The following SLIT2 variants were observed in gnomAD, a reference collection of about 807,000 sequenced individuals.
SLIT2 encodes the protein slit homolog 2 protein.
Under a neutral mutation model 185.7 loss-of-function variants are expected in SLIT2, and 41 were observed. The observed-to-expected ratio is 0.22, with a 90% CI of 0.17 to 0.29. SLIT2 has a LOEUF of 0.29. SLIT2 is among the 10% of genes least tolerant of loss of function. The probability of loss-of-function intolerance (pLI) is 1.00; values close to 1 mark genes in which losing one functional copy is unlikely to be tolerated. For missense variants in SLIT2, 1,571 were observed against 1,909.0 expected (o/e 0.82, Z 3.30); for synonymous variants, 693 against 680.2 (o/e 1.02, Z -0.29).
At chr4:20,321,771 A>G (rs1396187415) in intron 4 of SLIT2, among the ~76,000 whole-genome samples, 3 of 152,120 alleles carry the variant, frequency 2.0e-5, no homozygotes, top group African/African-American at 7.2e-5. Context: ...TTCATTTTGC[A>G]TTCTCTCTCC....
chr4:20,475,485 C>T (rs1715995382), intron 5 of SLIT2, among the ~76,000 whole-genome samples: 2 of 151,946 alleles, frequency 1.3e-5, no homozygotes, highest in South Asian at 4.1e-4. Context: ...TTTCCTGAGT[C>T]ACTATGTATT....
intron 4 of SLIT2, among the ~76,000 whole-genome samples, chr4:20,422,493 A>T (rs1728240831): frequency 6.6e-6 from 1 of 152,202 alleles, no homozygotes; most frequent in African/African-American, 2.4e-5. Context: ...GACCAAAAAA[A>T]GCTGGCAATT....
chr4:20,344,656 G>A (rs1721235881), intron 4 of SLIT2, among the ~76,000 whole-genome samples: 1 of 151,976 alleles, frequency 6.6e-6, no homozygotes, highest in Non-Finnish European at 1.5e-5. Context: ...CTCCCTCATT[G>A]ATATCCTGGA....
rs1362398445 is a variant in SLIT2, at chr4:20,617,463, C to T, written c.4161C>T (p.Pro1387=). The T allele has an allele frequency of 6.2e-7, 1 of 1,613,990 alleles. No homozygotes were observed. Among genetic ancestry groups the T allele is most frequent in the African/African-American group, 1.3e-5 (1 of 74,924 alleles). ...GATGCGTACATGGCACCTGCTTGCC[C>T]ATCAATGCGTTCTCCTACAGCTGTA... ...GNKCVHGTCL[P]INAFSYSCKC... is the part of the protein sequence containing the mutation. The change falls in exon 36 of 37, where the codon CCC becomes CCT. Residue 1387 remains proline, a synonymous_variant. Coordinates refer to ENST00000504154, the MANE Select transcript of SLIT2 (RefSeq NM_004787.4).
chr4:20,467,230 G>A (rs1714459286), intron 4 of SLIT2, among the ~76,000 whole-genome samples: 1 of 152,190 alleles, frequency 6.6e-6, no homozygotes, highest in African/African-American at 2.4e-5. Context: ...TGTTGGGCCG[G>A]TTCTGCCATG....
chr4:20,352,572 T>G (rs937039267), intron 4 of SLIT2, among the ~76,000 whole-genome samples: 3 of 152,226 alleles, frequency 2.0e-5, no homozygotes, highest in Non-Finnish European at 4.4e-5. Flanking sequence ...TTATTAGGGC[T>G]CAAGGCATAT....
At chr4:20,396,844 A>C (rs970571805) in intron 4 of SLIT2, among the ~76,000 whole-genome samples, 5 of 148,328 alleles carry the variant, frequency 3.4e-5, no homozygotes, top group African/African-American at 9.8e-5. Flanking sequence ...TTAAATATAT[A>C]CATCTAAAGA....
At chr4:20,394,799 C>T (rs1725741382) in intron 4 of SLIT2, 2 of 152,084 alleles carry the variant, frequency 1.3e-5, no homozygotes, top group African/African-American at 4.8e-5. Context: ...ACTCATTATG[C>T]CATTCTATCA....
intron 5 of SLIT2, among the ~76,000 whole-genome samples, chr4:20,470,110 G>A (rs1173185063): frequency 2.0e-5 from 3 of 151,922 alleles, no homozygotes; most frequent in Non-Finnish European, 4.4e-5. Context: ...TGGTTATTAG[G>A]GAAAGAAGAT....
At chr4:20,283,457 T>G (rs1465428830) in intron 4 of SLIT2, among the ~76,000 whole-genome samples, 5 of 152,150 alleles carry the variant, frequency 3.3e-5, no homozygotes, top group Non-Finnish European at 7.3e-5. Context: ...CTTTCCAGTA[T>G]TAGAAGACAA....
intron 4 of SLIT2, among the ~76,000 whole-genome samples, chr4:20,307,318 A>G (rs1255127287): frequency 6.9e-6 from 1 of 145,476 alleles, no homozygotes; most frequent in African/African-American, 2.6e-5. Flanking sequence ...GCAGGAGTGC[A>G]GTGGCGCCAT....
chr4:20,307,390 G>A (rs1717683606), intron 4 of SLIT2, among the ~76,000 whole-genome samples: 2 of 151,292 alleles, frequency 1.3e-5, no homozygotes, highest in Non-Finnish European at 2.9e-5. Flanking sequence ...AGCCTCCCAC[G>A]TGGCTGACAC....
chr4:20,319,604 GTA>G lies in SLIT2; in HGVS notation c.395+50725_395+50726del, dbSNP rs1311673686. On this transcript the variant is annotated intron_variant, in intron 4 of 36. Transcript: ENST00000504154. ...TTTGTGTGGCTTTTAAGTAATTCCA[GTA>G]TGGAATTCCACAAGGGTCAAGATCA... Among the ~76,000 whole-genome samples, 26 of 152,190 alleles carry G rather than the reference GTA, an allele frequency of 1.7e-4. No individual in the cohort carries two copies. In the East Asian group the frequency reaches 4.5e-3, roughly 26 times the overall value.
intron 4 of SLIT2, among the ~76,000 whole-genome samples, chr4:20,460,699 C>A (rs1277528152): frequency 1.3e-5 from 2 of 152,128 alleles, no homozygotes; most frequent in African/African-American, 4.8e-5. Context: ...CAGGTAGGCA[C>A]CATTTTAACC....
chr4:20,494,954 TA>T (rs1216123104), intron 9 of SLIT2, among the ~76,000 whole-genome samples: 3 of 151,948 alleles, frequency 2.0e-5, no homozygotes, highest in African/African-American at 4.8e-5. Flanking sequence ...AGAACCTAAA[TA>T]AAAACAGCAG....
intron 4 of SLIT2, among the ~76,000 whole-genome samples, chr4:20,363,242 G>C (rs1489396285): frequency 1.3e-5 from 2 of 152,096 alleles, no homozygotes; most frequent in Non-Finnish European, 2.9e-5. Context: ...TGAAACACGT[G>C]TGTGATACAT....
At chr4:20,473,074 G>A (rs1411259352) in intron 5 of SLIT2, among the ~76,000 whole-genome samples, 1 of 151,710 alleles carries the variant, frequency 6.6e-6, no homozygotes, top group East Asian at 1.9e-4. Context: ...ATTCAAAAAG[G>A]ACATATTTTA....
At chr4:20,397,586 T>C (rs913667446) in intron 4 of SLIT2, among the ~76,000 whole-genome samples, 4 of 151,832 alleles carry the variant, frequency 2.6e-5, no homozygotes, top group African/African-American at 9.7e-5. Flanking sequence ...AGTTATAAAT[T>C]GTCATAATCT....
rs530392159 is a variant in SLIT2, at chr4:20,508,006, A to G, written c.915-2489A>G. Among the ~76,000 whole-genome samples, 23 of 152,182 alleles carry G rather than the reference A, an allele frequency of 1.5e-4. 1 individual carries two copies. Among genetic ancestry groups the G allele is most frequent in the African/African-American group, 4.6e-4 (19 of 41,570 alleles). On this transcript the variant is annotated intron_variant, in intron 9 of 36. Coordinates refer to ENST00000504154, the MANE Select transcript of SLIT2 (RefSeq NM_004787.4). ...CAAAAAGAATTACTCTTAACTGTCA[A>G]TCAAAACATTCTAATCAATAAAGTA...
Sources: allele counts gnomAD v4.1 joint callset (sites outside exome capture counted in the v4.1 genomes callset), GRCh38; gene constraint gnomAD v4.1.1; transcripts MANE v1.5; gene names NCBI Gene and HGNC (gene_info 2026-07-23, HGNC 2026-07-21).